The following LY9 variants were observed in gnomAD, a reference collection of about 807,000 sequenced individuals.
LY9 encodes the protein lymphocyte antigen 9, also known as T-lymphocyte surface antigen Ly-9.
A neutral mutation model predicts 64.6 loss-of-function variants in LY9; 59 were observed. The ratio of observed to expected loss-of-function variants is 0.91; its 90% CI spans 0.74 to 1.13. The LOEUF (loss-of-function observed/expected upper bound fraction) is 1.13. LY9 is among the 50% of genes most tolerant of loss of function. The pLI is 0.00. For synonymous variants in LY9, 281 were observed against 308.5 expected (o/e 0.91, Z 0.93); for missense variants, 789 against 797.2 (o/e 0.99, Z 0.12).
chr1:160,818,334 T>C lies in LY9; in HGVS notation c.1444+15T>C. ...AAAAGGACGGTGTGAGTTTCCGAGA[T>C]CAATGTTGTCCGCCAGTGCTAGGCC... On this transcript the variant is annotated intron_variant, in intron 6 of 9. Coordinates refer to ENST00000263285, the MANE Select transcript of LY9 (RefSeq NM_002348.4). The C allele has an allele frequency of 6.2e-7, 1 of 1,600,378 alleles. No homozygotes were observed. Among genetic ancestry groups the C allele is most frequent in the Non-Finnish European group, 8.6e-7 (1 of 1,167,736 alleles).
chr1:160,824,853 C>T (rs540951308), intron 9 of LY9: 6 of 158,840 alleles, frequency 3.8e-5, no homozygotes, highest in South Asian at 4.1e-4. Flanking sequence ...TGGTGGCAGG[C>T]GCCTGTAGTT....
At chr1:160,797,354 A>T (rs545340980) in intron 1 of LY9, 1 of 892,708 alleles carries the variant, frequency 1.1e-6, no homozygotes, top group Admixed American at 6.2e-5. Context: ...CTAGATGCAG[A>T]TATGGGTGAA....
intron 2 of LY9, among the ~76,000 whole-genome samples, chr1:160,807,427 G>T (rs927610372): frequency 6.6e-6 from 1 of 152,168 alleles, no homozygotes; most frequent in Admixed American, 6.5e-5. Flanking sequence ...AATGTCAAGT[G>T]GGCCAGTCAT....
At chr1:160,813,987 C>A in intron 3 of LY9, 76 bp downstream of exon 3, 3 of 1,465,886 alleles carry the variant, frequency 2.0e-6, no homozygotes, top group South Asian at 2.6e-5. Flanking sequence ...ACCCTAGGAT[C>A]CTGGTCAGAC....
chr1:160,802,344 A>G, intron 2 of LY9: 1 of 988,306 alleles, frequency 1.0e-6, no homozygotes, highest in Non-Finnish European at 1.2e-6. Context: ...GCGGGAGGCC[A>G]TCCGGGCCTG....
intron 4 of LY9, among the ~76,000 whole-genome samples, 185 bp from the exon 5 acceptor site, chr1:160,816,409 G>A (rs1346566000): frequency 6.6e-6 from 1 of 152,236 alleles, no homozygotes; most frequent in Non-Finnish European, 1.5e-5. Flanking sequence ...GCAAAGAGGT[G>A]TGTCTGAGAT....
chr1:160,824,194 T>G lies in LY9; in HGVS notation c.1844T>G (p.Val615Gly), dbSNP rs542509419. ...GGTGTGTTACAGGGAAAGACCCCAG[T>G]TTCTCAGAAGGAAGAGAGCTCAGCC... ...QVFNLQGKTP[V>G]SQKEESSATI... The change falls in exon 9 of 10, where the codon GTT becomes GGT. Residue 615 changes from valine (V) to glycine (G), a missense_variant. Val to Gly is a moderately radical substitution (Grantham distance 109). Transcript: ENST00000263285. 6.2e-7 allele frequency: 1 copy of G among 1,614,174 alleles called. No homozygotes were observed. The highest frequency in any genetic ancestry group is 2.2e-5 in the East Asian group (1 of 44,878).
chr1:160,813,884 C>T lies in LY9; in HGVS notation c.703C>T (p.Pro235Ser), dbSNP rs1667725288. The T allele has an allele frequency of 4.3e-6, 7 of 1,614,140 alleles. No homozygotes were observed. The highest frequency in any genetic ancestry group is 5.9e-6 in the Non-Finnish European group (7 of 1,180,022). ...CCCCGTCAGCCAGAGAAGCTCCCTC[C>T]CTGTCCATGTTGGGCAGTTCTGTAC... Reference protein sequence around the residue: ...QNPVSQRSSLPVHVGQFCTDP... With the variant: ...QNPVSQRSSLSVHVGQFCTDP... The change falls in exon 3 of 10, where the codon CCT becomes TCT. Residue 235 changes from proline (P) to serine (S), a missense_variant. Transcript: ENST00000263285.
intron 2 of LY9, among the ~76,000 whole-genome samples, chr1:160,805,741 TCACACA>T (rs60721619): frequency 0.18 from 25,593 of 140,566 alleles, 2,503 homozygotes; most frequent in Admixed American, 0.3. Flanking sequence ...TCTCTCTGTC[TCACACA>T]CACACACACA....
Position 160,823,526 on chromosome 1 carries a change from T to G in LY9, c.1560T>G (p.Thr520=), listed in dbSNP as rs2101834958. ...CCCAAGGATATGAGAAGCTGGACAC[T>G]CCCCTCAGGCCTGCCAGGCAACAGC... is the stretch of plus-strand genomic sequence containing the variant. The part of the protein sequence containing the change: ...VLSQGYEKLD[T]PLRPARQQPT... Residue 520 remains threonine, a synonymous_variant, in exon 8 of 10, where the codon ACT becomes ACG. Coordinates refer to ENST00000263285, the MANE Select transcript of LY9 (RefSeq NM_002348.4). The G allele has an allele frequency of 6.2e-7, 1 of 1,613,966 alleles. No individual in the cohort carries two copies. Among genetic ancestry groups the G allele is most frequent in the Admixed American group, 1.7e-5 (1 of 59,996 alleles).
chr1:160,797,282 C>T lies in LY9; in HGVS notation c.124+971C>T, dbSNP rs1665981595. ...TTCAGGGATGATGGTGCAGGTAGCA[C>T]TAGAGATCTGAGAGCAGTGGGGGTT... On this transcript the variant is annotated intron_variant, in intron 1 of 9. Transcript: ENST00000263285. The T allele has an allele frequency of 1.3e-5, 13 of 985,324 alleles. 2 individuals carry two copies. In the South Asian group the frequency reaches 5.2e-4, roughly 39 times the overall value. The allele number at this position is 985,324 out of a possible 1,614,324, so 61.0% of individuals were successfully genotyped here.
intron 2 of LY9, chr1:160,810,583 G>C (rs758990562): frequency 4.6e-5 from 7 of 152,026 alleles, no homozygotes; most frequent in Non-Finnish European, 8.8e-5. Flanking sequence ...AGAGGTACTC[G>C]GGATTAGAAC....
intron 7 of LY9, 54 bp downstream of exon 7, chr1:160,819,428 A>G: frequency 6.8e-7 from 1 of 1,468,028 alleles, no homozygotes; most frequent in Non-Finnish European, 9.5e-7. Context: ...TGGAAGTTCT[A>G]AAGTCTTGCT....
chr1:160,806,967 C>A (rs1046466652), intron 2 of LY9, among the ~76,000 whole-genome samples: 13 of 152,022 alleles, frequency 8.6e-5, no homozygotes, highest in Non-Finnish European at 1.5e-4. Context: ...TTTCAAAAGA[C>A]CTGTCTTCAA....
intron 2 of LY9, chr1:160,810,384 C>T (rs1174073546): frequency 6.6e-6 from 1 of 152,158 alleles, no homozygotes; most frequent in African/African-American, 2.4e-5. Flanking sequence ...TTTCCTGGGA[C>T]CTCTCTCTTC....
chr1:160,810,621 A>T (rs1268648231), intron 2 of LY9: 1 of 152,248 alleles, frequency 6.6e-6, no homozygotes, highest in Non-Finnish European at 1.5e-5. Context: ...GTGGGAGGAC[A>T]GAATTCAGCC....
chr1:160,827,533 T>G (rs577453), intron 9 of LY9, among the ~76,000 whole-genome samples: 76,379 of 152,052 alleles, frequency 0.5, 19,491 homozygotes, highest in East Asian at 0.71. Context: ...TCTTGTGTTG[T>G]CCTTGCAGAG....
rs995335317 is a variant in LY9, at chr1:160,818,332, G to A, written c.1444+13G>A. On this transcript the variant is annotated intron_variant, in intron 6 of 9. Coordinates refer to ENST00000263285, the MANE Select transcript of LY9 (RefSeq NM_002348.4). Reference sequence around the variant, plus strand: ...CGAAAAGGACGGTGTGAGTTTCCGAGATCAATGTTGTCCGCCAGTGCTAGG... The same window carrying A: ...CGAAAAGGACGGTGTGAGTTTCCGAAATCAATGTTGTCCGCCAGTGCTAGG... 6.2e-7 allele frequency: 1 copy of A among 1,602,920 alleles called. No individual in the cohort carries two copies. Among genetic ancestry groups the A allele is most frequent in the East Asian group, 2.2e-5 (1 of 44,836 alleles).
intron 2 of LY9, chr1:160,802,075 C>G: frequency 7.2e-7 from 1 of 1,386,718 alleles, no homozygotes; most frequent in Non-Finnish European, 9.3e-7. Context: ...CCCACCCACC[C>G]GCCGCCTCCC....
Sources: gnomAD v4.1 joint callset for allele counts (sites outside exome capture counted in the v4.1 genomes callset) on GRCh38, gnomAD v4.1.1 for gene constraint, MANE v1.5 for transcripts, NCBI Gene and HGNC (gene_info 2026-07-23, HGNC 2026-07-21) for gene names.